Variants in TTC28 observed in about 807,000 individuals in gnomAD.
TTC28 encodes the protein tetratricopeptide repeat domain 28, also known as tetratricopeptide repeat protein 28.
TTC28 carries 61 observed loss-of-function variants against 198.0 expected under a neutral mutation model. The observed-to-expected ratio is 0.31, with a 90% CI of 0.25 to 0.38. The LOEUF is 0.38. Among genes scored for constraint, TTC28 ranks in the 10% least tolerant of loss-of-function variants. The probability of loss-of-function intolerance (pLI) is 1.00; values close to 1 mark genes in which losing one functional copy is unlikely to be tolerated. For synonymous variants in TTC28, 1,171 were observed against 1,297.8 expected, an observed-to-expected ratio of 0.90 and a Z score of 2.10; for missense variants, 2,678 against 3,164.0, an observed-to-expected ratio of 0.85 and a Z score of 3.69.
chr22:28,004,973 A>G (rs1022473590), intron 14 of TTC28, among the ~76,000 whole-genome samples: 2 of 152,228 alleles, frequency 1.3e-5, no homozygotes, highest in Non-Finnish European at 2.9e-5. Flanking sequence ...AGGGTTGAAC[A>G]ATAAAGTGGC....
At chr22:28,353,862 G>C (rs1374454954) in intron 2 of TTC28, among the ~76,000 whole-genome samples, 1 of 152,054 alleles carries the variant, frequency 6.6e-6, no homozygotes, top group Non-Finnish European at 1.5e-5. Context: ...TTTTTACATA[G>C]CCAAAGGACT....
chr22:28,553,460 C>T (rs981640929), intron 2 of TTC28, among the ~76,000 whole-genome samples: 2 of 146,752 alleles, frequency 1.4e-5, no homozygotes, highest in African/African-American at 2.5e-5. Flanking sequence ...ATGTGAGGAG[C>T]GCCTCTGCCC....
At chr22:28,051,888 T>C (rs1039376464) in intron 12 of TTC28, among the ~76,000 whole-genome samples, 2 of 152,162 alleles carry the variant, frequency 1.3e-5, no homozygotes, top group African/African-American at 4.8e-5. Context: ...TGTATGGCTT[T>C]TGGCTTGGTG....
chr22:28,125,553 G>C (rs774699781), intron 6 of TTC28, among the ~76,000 whole-genome samples: 7 of 152,112 alleles, frequency 4.6e-5, no homozygotes, highest in Non-Finnish European at 7.4e-5. Flanking sequence ...AAAGGCAAAA[G>C]AACAAAGAAT....
chr22:28,532,230 C>T (rs980497738), intron 2 of TTC28, among the ~76,000 whole-genome samples: 1 of 152,062 alleles, frequency 6.6e-6, no homozygotes, highest in African/African-American at 2.4e-5. Flanking sequence ...GGGATACCAC[C>T]ACCGATCCCA....
In TTC28 at chr22:28,150,380, T is replaced by C. The variant is rs1186222239; in HGVS notation, c.1441+12712A>G. Among the ~76,000 whole-genome samples, 3 of 152,328 alleles carry C rather than the reference T, an allele frequency of 2.0e-5. No individual in the cohort carries two copies. In the East Asian group the frequency reaches 5.8e-4, roughly 29 times the overall value. ...CCATGAAGGAGAACAACGGAGGTGATCTGAATAATCGTTTGTTAAATCACC... is the reference window on the plus strand; with the variant it reads ...CCATGAAGGAGAACAACGGAGGTGACCTGAATAATCGTTTGTTAAATCACC... On this transcript the variant is annotated intron_variant, in intron 6 of 22. Coordinates refer to ENST00000397906, the MANE Select transcript of TTC28 (RefSeq NM_001145418.2).
intron 2 of TTC28, among the ~76,000 whole-genome samples, chr22:28,544,564 G>T (rs1019687617): frequency 6.6e-6 from 1 of 152,136 alleles, no homozygotes; most frequent in African/African-American, 2.4e-5. Context: ...GCTATGACCG[G>T]CTGGGCTGCA....
rs2051740296 is a variant in TTC28, at chr22:28,661,216, G to A, written c.102+18406C>T. Among the ~76,000 whole-genome samples the A allele has an allele frequency of 2.0e-5, 3 of 152,126 alleles. No homozygotes were observed. The South Asian group carries it at 6.2e-4, about 32-fold the overall frequency. On this transcript the variant is annotated intron_variant, in intron 1 of 22. Transcript: ENST00000397906. ...GGAGAATCCCTTGAACCCAGGAGGT[G>A]GAGGTTGCGGTGAGTCGAGATCGTG...
chr22:27,985,005 C>T (rs905863818), intron 22 of TTC28, among the ~76,000 whole-genome samples: 4 of 152,182 alleles, frequency 2.6e-5, no homozygotes, highest in African/African-American at 9.7e-5. Flanking sequence ...CTGCCACCAC[C>T]CTCTCACTTC....
intron 2 of TTC28, among the ~76,000 whole-genome samples, chr22:28,426,597 C>T (rs184832361): frequency 2.1e-3 from 321 of 152,292 alleles, no homozygotes; most frequent in Admixed American, 5.0e-3. Flanking sequence ...AAGGGAACCA[C>T]TCGGTGATCC....
intron 2 of TTC28, among the ~76,000 whole-genome samples, chr22:28,369,929 T>C (rs1278860084): frequency 6.6e-6 from 1 of 152,180 alleles, no homozygotes. Context: ...TAAATCAAAA[T>C]GTATCCCTTC....
rs888431114 is a variant in TTC28, at chr22:28,082,136, G to T, written c.3932+11944C>A. ...GCAGATTTACTAAATCTGTTTATTA[G>T]CTCTAATAGTTTTTTGGTAGAATCT... On this transcript the variant is annotated intron_variant, in intron 12 of 22. Transcript: ENST00000397906. Among the ~76,000 whole-genome samples, 6 of 152,170 alleles carry T rather than the reference G, an allele frequency of 3.9e-5. 1 individual carries two copies. Among genetic ancestry groups the T allele is most frequent in the Middle Eastern group, 3.4e-3 (1 of 294 alleles).
chr22:28,227,008 C>T (rs536300308), intron 5 of TTC28, among the ~76,000 whole-genome samples: 1 of 152,232 alleles, frequency 6.6e-6, no homozygotes, highest in South Asian at 2.1e-4. Context: ...TCACTGTAAC[C>T]TCAAACTCCT....
chr22:28,237,708 C>T (rs1176139617), intron 5 of TTC28, among the ~76,000 whole-genome samples: 1 of 151,982 alleles, frequency 6.6e-6, no homozygotes, highest in Non-Finnish European at 1.5e-5. Flanking sequence ...TAAATTTTGG[C>T]CTCCCTTCTT....
At chr22:28,222,269 C>A (rs1261981391) in intron 5 of TTC28, among the ~76,000 whole-genome samples, 1 of 152,144 alleles carries the variant, frequency 6.6e-6, no homozygotes, top group East Asian at 1.9e-4. Context: ...GCTCTGATCA[C>A]CAGATGTGAG....
chr22:28,491,535 A>G (rs1398935845), intron 2 of TTC28, among the ~76,000 whole-genome samples: 1 of 152,248 alleles, frequency 6.6e-6, no homozygotes, highest in Non-Finnish European at 1.5e-5. Context: ...GCCATCAAAG[A>G]AATGCAAATC....
intron 5 of TTC28, among the ~76,000 whole-genome samples, chr22:28,293,256 G>C (rs1196082090): frequency 6.6e-6 from 1 of 152,114 alleles, no homozygotes; most frequent in African/African-American, 2.4e-5. Flanking sequence ...CACACACACA[G>C]ACACATACAT....
At chr22:28,112,099 T>C (rs542985138) in intron 6 of TTC28, among the ~76,000 whole-genome samples, 5 of 152,168 alleles carry the variant, frequency 3.3e-5, no homozygotes, top group Non-Finnish European at 5.9e-5. Flanking sequence ...TTTTTTTAAA[T>C]TGAAAATATT....
intron 5 of TTC28, among the ~76,000 whole-genome samples, chr22:28,287,561 A>G (rs867201158): frequency 2.0e-5 from 3 of 152,204 alleles, no homozygotes; most frequent in Admixed American, 6.5e-5. Context: ...GGAGTCAAAG[A>G]TGAGGCCTTC....
Sources: gnomAD v4.1 joint callset for allele counts (sites outside exome capture counted in the v4.1 genomes callset) on GRCh38, gnomAD v4.1.1 for gene constraint, MANE v1.5 for transcripts, NCBI Gene and HGNC (gene_info 2026-07-23, HGNC 2026-07-21) for gene names.